The following DTNB variants were observed in gnomAD, a reference collection of about 807,000 sequenced individuals.
DTNB encodes the protein dystrobrevin beta.
DTNB carries 63 observed loss-of-function variants against 90.7 expected under a neutral mutation model. That is an observed-to-expected ratio of 0.69 (90% CI 0.57 to 0.86). The LOEUF (loss-of-function observed/expected upper bound fraction) is 0.86, where lower values mean the gene tolerates loss of function less well. DTNB is among the 40% of genes least tolerant of loss of function. DTNB has a pLI of 0.00. For synonymous variants in DTNB, 277 were observed against 286.7 expected (o/e 0.97, Z 0.34); for missense variants, 744 against 807.1 (o/e 0.92, Z 0.95).
chr2:25,596,501 G>A (rs2064673185), intron 5 of DTNB: 2 of 247,562 alleles, frequency 8.1e-6, no homozygotes, highest in East Asian at 9.2e-5. Flanking sequence ...TCCTACTTTT[G>A]AGTGTTTAAA....
At chr2:25,416,873 T>C (rs1437045953) in intron 16 of DTNB, among the ~76,000 whole-genome samples, 2 of 148,290 alleles carry the variant, frequency 1.3e-5, no homozygotes, top group Non-Finnish European at 3.0e-5. Flanking sequence ...GGTTATATCA[T>C]AGTTCTGTGT....
At chr2:25,565,156 C>G (rs1266962802) in intron 8 of DTNB, among the ~76,000 whole-genome samples, 2 of 152,188 alleles carry the variant, frequency 1.3e-5, no homozygotes, top group Non-Finnish European at 2.9e-5. Flanking sequence ...ATAAAAATGG[C>G]AGGAGTGGAT....
chr2:25,588,154 C>T (rs1268759525), intron 6 of DTNB, among the ~76,000 whole-genome samples: 1 of 151,802 alleles, frequency 6.6e-6, no homozygotes, highest in Non-Finnish European at 1.5e-5. Context: ...TGGGGATATC[C>T]TCTTTTTTAA....
At chr2:25,563,120 T>G (rs528959510) in intron 8 of DTNB, among the ~76,000 whole-genome samples, 1 of 152,322 alleles carries the variant, frequency 6.6e-6, no homozygotes, top group East Asian at 1.9e-4. Context: ...TTTACCACCT[T>G]AACCATTTTT....
chr2:25,513,065 T>C (rs2074273334), intron 9 of DTNB, among the ~76,000 whole-genome samples: 1 of 152,204 alleles, frequency 6.6e-6, no homozygotes, highest in Non-Finnish European at 1.5e-5. Context: ...ATCAGAGTTT[T>C]GAGAAGAATG....
chr2:25,426,159 T>C (rs190676246), intron 15 of DTNB, among the ~76,000 whole-genome samples: 1 of 152,348 alleles, frequency 6.6e-6, no homozygotes, highest in Non-Finnish European at 1.5e-5. Flanking sequence ...GTTTGTGTGA[T>C]GGTTATTTTT....
intron 9 of DTNB, among the ~76,000 whole-genome samples, chr2:25,522,723 TG>T (rs1553483971): frequency 8.1e-5 from 12 of 148,668 alleles, no homozygotes; most frequent in Non-Finnish European, 1.3e-4. Context: ...TTTTTTGAGA[TG>T]GAGTCTTGCT....
At chr2:25,606,946 T>A (rs912435149) in intron 5 of DTNB, among the ~76,000 whole-genome samples, 3 of 152,226 alleles carry the variant, frequency 2.0e-5, no homozygotes, top group African/African-American at 7.2e-5. Context: ...TCAAGCATAA[T>A]TTTAATAATG....
intron 10 of DTNB, among the ~76,000 whole-genome samples, chr2:25,476,827 T>G (rs1327359706): frequency 6.6e-6 from 1 of 152,240 alleles, no homozygotes; most frequent in Non-Finnish European, 1.5e-5. Context: ...GGATTTAGAA[T>G]ATTATATAAA....
At chr2:25,672,516 G>A (rs576659539) in intron 1 of DTNB, among the ~76,000 whole-genome samples, 14 of 152,138 alleles carry the variant, frequency 9.2e-5, no homozygotes, top group African/African-American at 3.1e-4. Flanking sequence ...TTACCCGTAG[G>A]AGCCTTCAAA....
At chr2:25,466,373 A>G (rs2061782200) in intron 10 of DTNB, among the ~76,000 whole-genome samples, 1 of 152,202 alleles carries the variant, frequency 6.6e-6, no homozygotes, top group Non-Finnish European at 1.5e-5. Flanking sequence ...TTAAGTGTAA[A>G]GAGTTAACTC....
At chr2:25,588,116 G>C (rs2062802679) in intron 6 of DTNB, among the ~76,000 whole-genome samples, 1 of 150,932 alleles carries the variant, frequency 6.6e-6, no homozygotes, top group South Asian at 2.1e-4. Context: ...TTATATCTCA[G>C]TAATAAAAAA....
chr2:25,380,839 G>A (rs997201412), intron 19 of DTNB, among the ~76,000 whole-genome samples: 5 of 152,172 alleles, frequency 3.3e-5, no homozygotes, highest in Non-Finnish European at 5.9e-5. Flanking sequence ...TTGGGACCTG[G>A]AGGCCCGGGC....
chr2:25,490,934 TTAAGA>T (rs1474468290), intron 9 of DTNB, among the ~76,000 whole-genome samples: 2 of 152,006 alleles, frequency 1.3e-5, no homozygotes, highest in African/African-American at 4.8e-5. Flanking sequence ...TGGTCAAATG[TTAAGA>T]TAAGTGGAAT....
At chr2:25,478,988 T>G (rs1230157290) in intron 10 of DTNB, among the ~76,000 whole-genome samples, 3 of 152,238 alleles carry the variant, frequency 2.0e-5, no homozygotes, top group Non-Finnish European at 4.4e-5. Flanking sequence ...CCAGCTGCTT[T>G]TGTGATCTGT....
intron 15 of DTNB, among the ~76,000 whole-genome samples, chr2:25,427,060 C>T (rs966408519): frequency 3.3e-5 from 5 of 151,938 alleles, no homozygotes; most frequent in Non-Finnish European, 5.9e-5. Flanking sequence ...CGCCTGTAAT[C>T]CCAGCTACTC....
At chr2:25,575,144 A>G (rs963535734) in intron 8 of DTNB, among the ~76,000 whole-genome samples, 4 of 152,044 alleles carry the variant, frequency 2.6e-5, no homozygotes, top group Non-Finnish European at 5.9e-5. Context: ...CCGGAATAAG[A>G]ATTTTCAGTA....
At chr2:25,512,233 G>GAGT (rs1468895558) in intron 9 of DTNB, among the ~76,000 whole-genome samples, 1 of 152,172 alleles carries the variant, frequency 6.6e-6, no homozygotes, top group Non-Finnish European at 1.5e-5. Flanking sequence ...TTTACAGTTT[G>GAGT]AGTAACTACT....
At position 25,628,211 on chromosome 2, in the gene DTNB, T is replaced by TA; in HGVS notation, c.321dup (p.Ile108TyrfsTer13). 1 of 1,613,870 alleles carries TA rather than the reference T, an allele frequency of 6.2e-7. No homozygotes were observed. Among genetic ancestry groups the TA allele is most frequent in the Non-Finnish European group, 8.5e-7 (1 of 1,179,882 alleles). ...ATCATAAAGTTGAGGAGGAGGCTGA[T>TA]AGATTGTTCCACACTAATTTGGTGA... On this transcript the variant is annotated frameshift_variant, in exon 4 of 21. Coordinates refer to ENST00000406818, the MANE Select transcript of DTNB (RefSeq NM_021907.5). LOFTEE classifies it high-confidence loss of function.
Sources: allele counts gnomAD v4.1 joint callset (sites outside exome capture counted in the v4.1 genomes callset), GRCh38; gene constraint gnomAD v4.1.1; transcripts MANE v1.5; gene names NCBI Gene and HGNC (gene_info 2026-07-23, HGNC 2026-07-21).